FAM107B: variants seen among roughly 807,000 people sequenced by gnomAD.
The protein encoded by FAM107B is protein FAM107B.
Under a neutral mutation model 31.5 loss-of-function variants are expected in FAM107B, and 21 were observed. That is an observed-to-expected ratio of 0.67 (90% CI 0.47 to 0.96). The LOEUF (loss-of-function observed/expected upper bound fraction) is 0.96. Ranked by LOEUF, FAM107B falls within the 40% of genes least tolerant of loss-of-function variation. The probability of loss-of-function intolerance (pLI) is 0.00; values close to 1 mark genes in which losing one functional copy is unlikely to be tolerated. For synonymous variants in FAM107B, 157 were observed against 141.5 expected (o/e 1.11, Z -0.78); for missense variants, 452 against 377.1 (o/e 1.20, Z -1.64).
At chr10:14,696,842 T>A (rs962222989) in intron 1 of FAM107B, among the ~76,000 whole-genome samples, 10 of 152,010 alleles carry the variant, frequency 6.6e-5, no homozygotes, top group South Asian at 6.2e-4. Context: ...GACCCCGAGG[T>A]CCCGTAGGCT....
intron 2 of FAM107B, among the ~76,000 whole-genome samples, chr10:14,633,190 G>A (rs1853412110): frequency 7.9e-6 from 1 of 126,946 alleles, no homozygotes; most frequent in African/African-American, 3.0e-5. Context: ...TAGAGACTCT[G>A]TCTCAAAAAA....
At chr10:14,560,881 C>T (rs756237471) in intron 2 of FAM107B, among the ~76,000 whole-genome samples, 30 of 152,302 alleles carry the variant, frequency 2.0e-4, no homozygotes, top group Non-Finnish European at 3.5e-4. Context: ...TTTCATGTCC[C>T]TGTTTCTCCC....
chr10:14,683,106 A>G (rs1854880781), intron 1 of FAM107B, among the ~76,000 whole-genome samples: 2 of 152,118 alleles, frequency 1.3e-5, no homozygotes, highest in Admixed American at 6.6e-5. Context: ...TTTTAAGTGG[A>G]GCAGGAATCC....
chr10:14,774,448 A>G lies in FAM107B; in HGVS notation c.216T>C (p.Ala72=). The G allele has an allele frequency of 6.2e-7, 1 of 1,614,076 alleles. No individual in the cohort carries two copies. Among genetic ancestry groups the G allele is most frequent in the South Asian group, 1.1e-5 (1 of 91,068 alleles). Residue 72 remains alanine, a synonymous_variant, in exon 1 of 5, where the codon GCT becomes GCC. Coordinates refer to ENST00000181796, the MANE Select transcript of FAM107B (RefSeq NM_031453.4). ...RQPRHPSAEG[A]PEKRQDSSTH... is the part of the protein sequence containing the mutation. ...TGCTCGAATCTTGCCTTTTCTCTGG[A>G]GCTCCTTCTGCGCTTGGGTGTCTTG...
chr10:14,654,701 G>A (rs1853996054), intron 2 of FAM107B, among the ~76,000 whole-genome samples: 1 of 152,070 alleles, frequency 6.6e-6, no homozygotes, highest in Non-Finnish European at 1.5e-5. Context: ...CCATTCTTAC[G>A]CTCAAATAAG....
At chr10:14,699,281 G>C (rs921755389) in intron 1 of FAM107B, among the ~76,000 whole-genome samples, 1 of 152,158 alleles carries the variant, frequency 6.6e-6, no homozygotes, top group Non-Finnish European at 1.5e-5. Flanking sequence ...TATAGATGTG[G>C]AGAAGGAGAT....
chr10:14,572,860 C>T (rs1031945164), intron 2 of FAM107B, among the ~76,000 whole-genome samples: 2 of 150,764 alleles, frequency 1.3e-5, no homozygotes, highest in African/African-American at 2.4e-5. Context: ...GAGTTCCAGT[C>T]CCAACTCTGC....
At chr10:14,770,845 C>T (rs981266283) in intron 1 of FAM107B, among the ~76,000 whole-genome samples, 1 of 152,040 alleles carries the variant, frequency 6.6e-6, no homozygotes, top group Non-Finnish European at 1.5e-5. Context: ...GCTTCATTAC[C>T]TCAAGCTTTC....
At chr10:14,614,710 G>T (rs533710287) in intron 2 of FAM107B, among the ~76,000 whole-genome samples, 1 of 151,144 alleles carries the variant, frequency 6.6e-6, no homozygotes, top group Non-Finnish European at 1.5e-5. Context: ...CTTAGAGAAG[G>T]AATGGCCAGT....
In FAM107B at chr10:14,519,125, G is replaced by C. The variant is rs1005064424; in HGVS notation, c.*2065C>G. 6.6e-6 allele frequency: 1 copy of C among 151,964 alleles called. No individual in the cohort carries two copies. The highest frequency in any genetic ancestry group is 1.5e-5 in the Non-Finnish European group (1 of 67,984). The allele number at this position is 151,964 out of a possible 1,614,324, so 9.4% of individuals were successfully genotyped here. ...ATTACAAATAATTCTGCAGATTTGA[G>C]TGAGATTAGGAAAGAAATGCTTTCT... On this transcript the variant is annotated 3_prime_UTR_variant, in exon 5 of 5. Transcript: ENST00000181796.
At chr10:14,586,111 C>T (rs1398226713) in intron 2 of FAM107B, among the ~76,000 whole-genome samples, 1 of 152,182 alleles carries the variant, frequency 6.6e-6, no homozygotes. Context: ...GTCCGCATCA[C>T]TGTCAACTCC....
chr10:14,572,182 C>CAAACAATGAA, intron 2 of FAM107B: 1 of 985,424 alleles, frequency 1.0e-6, no homozygotes, highest in Non-Finnish European at 1.2e-6. Flanking sequence ...GAAGCCAGAG[C>CAAACAATGAA]AAACAATGAA....
At chr10:14,699,934 T>A (rs1000738155) in intron 1 of FAM107B, among the ~76,000 whole-genome samples, 3 of 152,156 alleles carry the variant, frequency 2.0e-5, no homozygotes. Context: ...TTTTTATTTA[T>A]GATTATTATT....
intron 1 of FAM107B, among the ~76,000 whole-genome samples, chr10:14,712,541 C>G (rs1054365394): frequency 1.3e-5 from 2 of 151,616 alleles, no homozygotes; most frequent in East Asian, 3.9e-4. Context: ...TTGCAGTGAG[C>G]CCAGATCGCG....
chr10:14,694,832 A>G (rs573093757), intron 1 of FAM107B, among the ~76,000 whole-genome samples: 1 of 152,120 alleles, frequency 6.6e-6, no homozygotes, highest in Admixed American at 6.6e-5. Context: ...TCTTTTGACC[A>G]TTTTTTAAAT....
chr10:14,657,227 A>T (rs1854084557), intron 2 of FAM107B, among the ~76,000 whole-genome samples: 1 of 152,230 alleles, frequency 6.6e-6, no homozygotes, highest in Non-Finnish European at 1.5e-5. Context: ...TAGAGAGGGG[A>T]AAGCACAGAC....
intron 2 of FAM107B, among the ~76,000 whole-genome samples, chr10:14,607,987 C>T (rs986456963): frequency 3.9e-5 from 6 of 152,022 alleles, no homozygotes; most frequent in Non-Finnish European, 5.9e-5. Context: ...CAAATTCATC[C>T]CTAAGGAAAA....
intron 2 of FAM107B, among the ~76,000 whole-genome samples, chr10:14,588,092 T>C (rs575144558): frequency 1.1e-4 from 17 of 152,128 alleles, no homozygotes; most frequent in African/African-American, 4.1e-4. Context: ...GTAGAGAGAG[T>C]GCCTAATGTC....
intron 1 of FAM107B, among the ~76,000 whole-genome samples, chr10:14,756,280 A>T (rs1031613032): frequency 2.6e-5 from 4 of 152,206 alleles, no homozygotes; most frequent in African/African-American, 7.2e-5. Flanking sequence ...CTCTTCATCA[A>T]ACTCTTTGTG....
Sources: gnomAD v4.1 joint callset for allele counts (sites outside exome capture counted in the v4.1 genomes callset) on GRCh38, gnomAD v4.1.1 for gene constraint, MANE v1.5 for transcripts, NCBI Gene and HGNC (gene_info 2026-07-23, HGNC 2026-07-21) for gene names.